The following LANCL3 variants were observed in gnomAD, a reference collection of about 807,000 sequenced individuals.
LANCL3 encodes the protein LanC like family member 3, also known as lanC-like protein 3.
In LANCL3, 19 loss-of-function variants were observed where a neutral mutation model predicts 26.5. That is an observed-to-expected ratio of 0.72 (90% CI 0.50 to 1.05). The LOEUF (loss-of-function observed/expected upper bound fraction) is 1.05, where lower values mean the gene tolerates loss of function less well. Among genes scored for constraint, LANCL3 ranks in the 50% least tolerant of loss-of-function variants. LANCL3 has a pLI of 0.00. For synonymous variants in LANCL3, 160 were observed against 166.6 expected (o/e 0.96, Z 0.30); for missense variants, 318 against 362.7 (o/e 0.88, Z 1.00).
intron 1 of LANCL3, among the ~76,000 whole-genome samples, chrX:37,634,345 A>G (rs540587032): frequency 1.8e-5 from 2 of 112,352 alleles, no homozygotes; most frequent in Non-Finnish European, 1.9e-5. Context: ...GCCGTCTGTT[A>G]CCCCTTTCTT....
chrX:37,576,160 A>G (rs1923739575), intron 1 of LANCL3, among the ~76,000 whole-genome samples: 1 of 111,502 alleles, frequency 9.0e-6, no homozygotes, highest in African/African-American at 3.3e-5. Context: ...ACCCTTTTCT[A>G]GGTTCTTTTC....
intron 1 of LANCL3, among the ~76,000 whole-genome samples, chrX:37,617,624 T>C (rs1343344120): frequency 9.0e-6 from 1 of 111,727 alleles, no homozygotes; most frequent in Non-Finnish European, 1.9e-5. Context: ...CTGTTCAACT[T>C]TCCATGACTT....
chrX:37,656,156 A>T (rs1926278598), intron 2 of LANCL3, among the ~76,000 whole-genome samples: 1 of 110,716 alleles, frequency 9.0e-6, no homozygotes, highest in African/African-American at 3.3e-5. Context: ...GGGAAGTAGG[A>T]TTCAGCCACT....
In LANCL3 at chrX:37,611,608, C is replaced by T. The variant is rs782298893; in HGVS notation, c.573+39165C>T. Among the ~76,000 whole-genome samples, 8 of 111,745 alleles carry T rather than the reference C, an allele frequency of 7.2e-5. No individual in the cohort carries two copies. In the East Asian group the frequency reaches 2.3e-3, roughly 31 times the overall value. Reference sequence around the variant, plus strand: ...AGGGAAAGGAAAGGACTGATATAGACCAGTGTTTTTAAAGTGAAGCTCCCA... The same window carrying T: ...AGGGAAAGGAAAGGACTGATATAGATCAGTGTTTTTAAAGTGAAGCTCCCA... On this transcript the variant is annotated intron_variant, in intron 1 of 4. Coordinates refer to ENST00000378619, the MANE Select transcript of LANCL3 (RefSeq NM_001170331.2).
chrX:37,583,866 T>A (rs1229076407), intron 1 of LANCL3, among the ~76,000 whole-genome samples: 6 of 111,753 alleles, frequency 5.4e-5, no homozygotes, highest in African/African-American at 2.0e-4. Context: ...TGAATAGGTG[T>A]GGTGAGAGAG....
intron 1 of LANCL3, among the ~76,000 whole-genome samples, chrX:37,575,343 T>C (rs1312738300): frequency 5.4e-5 from 6 of 111,761 alleles, no homozygotes; most frequent in African/African-American, 1.3e-4. Flanking sequence ...TGTTTATTTA[T>C]GTCTTCGCTG....
chrX:37,591,998 A>C (rs191389701), intron 1 of LANCL3, among the ~76,000 whole-genome samples: 1 of 110,944 alleles, frequency 9.0e-6, no homozygotes, highest in East Asian at 2.8e-4. Flanking sequence ...AATTAAAGAA[A>C]CTCAGCTTTG....
At chrX:37,579,431 C>A (rs781866323) in intron 1 of LANCL3, among the ~76,000 whole-genome samples, 10 of 111,719 alleles carry the variant, frequency 9.0e-5, no homozygotes, top group Admixed American at 6.7e-4. Flanking sequence ...GAGACACTTA[C>A]TAAGTGACCA....
At chrX:37,622,071 C>G (rs1257092721) in intron 1 of LANCL3, among the ~76,000 whole-genome samples, 4 of 111,134 alleles carry the variant, frequency 3.6e-5, no homozygotes, top group Non-Finnish European at 7.5e-5. Context: ...TTCTAAGAAC[C>G]ACCCCCGTCC....
chrX:37,613,648 A>G (rs1256418797), intron 1 of LANCL3, among the ~76,000 whole-genome samples: 1 of 112,252 alleles, frequency 8.9e-6, no homozygotes, highest in Non-Finnish European at 1.9e-5. Context: ...AAATGGGATC[A>G]TGTAGTTTGT....
intron 1 of LANCL3, among the ~76,000 whole-genome samples, chrX:37,609,164 GCCTT>G (rs1924793189): frequency 8.9e-6 from 1 of 112,136 alleles, no homozygotes; most frequent in South Asian, 3.7e-4. Flanking sequence ...GGTGATAACA[GCCTT>G]CCTTCCTGAA....
At chrX:37,596,820 A>G (rs1924441210) in intron 1 of LANCL3, among the ~76,000 whole-genome samples, 1 of 112,393 alleles carries the variant, frequency 8.9e-6, no homozygotes, top group African/African-American at 3.2e-5. Flanking sequence ...TAACAGCTAC[A>G]TTGAGATATA....
chrX:37,575,919 T>C (rs1178026281), intron 1 of LANCL3, among the ~76,000 whole-genome samples: 1 of 112,557 alleles, frequency 8.9e-6, no homozygotes, highest in Non-Finnish European at 1.9e-5. Context: ...GAGGAATTGC[T>C]CTCAGATTGT....
intron 1 of LANCL3, among the ~76,000 whole-genome samples, chrX:37,614,251 T>C (rs186248823): frequency 9.0e-6 from 1 of 111,496 alleles, no homozygotes; most frequent in Non-Finnish European, 1.9e-5. Context: ...TTATAATCAC[T>C]TGGGGAACGT....
intron 1 of LANCL3, among the ~76,000 whole-genome samples, chrX:37,592,374 T>C (rs1556419091): frequency 1.8e-5 from 2 of 112,410 alleles, no homozygotes; most frequent in Non-Finnish European, 3.8e-5. Context: ...AACTGTTAAA[T>C]AGGAACGGTC....
At chrX:37,631,116 C>T (rs1361280397) in intron 1 of LANCL3, among the ~76,000 whole-genome samples, 1 of 111,793 alleles carries the variant, frequency 8.9e-6, no homozygotes, top group Non-Finnish European at 1.9e-5. Flanking sequence ...TTGATTATTG[C>T]CAGAATTTCA....
At chrX:37,631,874 A>G (rs1467463644) in intron 1 of LANCL3, among the ~76,000 whole-genome samples, 1 of 110,245 alleles carries the variant, frequency 9.1e-6, no homozygotes, top group Non-Finnish European at 1.9e-5. Context: ...ACTTCCAACT[A>G]TGTGGTCAAT....
At chrX:37,647,994 G>T (rs1026985702) in intron 1 of LANCL3, among the ~76,000 whole-genome samples, 5 of 112,334 alleles carry the variant, frequency 4.5e-5, no homozygotes, top group Non-Finnish European at 7.5e-5. Flanking sequence ...GGAAGTTTCT[G>T]CACTAAGCAC....
chrX:37,677,556 G>C lies in LANCL3; in HGVS notation c.*1743G>C, dbSNP rs1288393546. On this transcript the variant is annotated 3_prime_UTR_variant, in exon 5 of 5. Coordinates refer to ENST00000378619, the MANE Select transcript of LANCL3 (RefSeq NM_001170331.2). ...TCCTCAGATACAACCATATCAAATT[G>C]GCCTCAGTTGTTCATCAGTGAAAAT... 1 of 111,676 alleles carries C rather than the reference G, an allele frequency of 9.0e-6. No homozygotes were observed. Among genetic ancestry groups the C allele is most frequent in the Admixed American group, 9.5e-5 (1 of 10,516 alleles). 9.2% of individuals were successfully genotyped at this position (111,676 alleles called of 1,213,427 possible).
Sources: gnomAD v4.1 joint callset for allele counts (sites outside exome capture counted in the v4.1 genomes callset) on GRCh38, gnomAD v4.1.1 for gene constraint, MANE v1.5 for transcripts, NCBI Gene and HGNC (gene_info 2026-07-23, HGNC 2026-07-21) for gene names.